Variants in LRGUK observed in about 807,000 individuals in gnomAD.
LRGUK encodes the protein leucine rich repeats and guanylate kinase domain containing, also known as leucine-rich repeat and guanylate kinase domain-containing protein.
A neutral mutation model predicts 76.0 loss-of-function variants in LRGUK; 65 were observed. That is an observed-to-expected ratio of 0.85 (90% confidence interval 0.70 to 1.05). The LOEUF is 1.05. Among genes scored for constraint, LRGUK ranks in the 50% least tolerant of loss-of-function variants. The probability of loss-of-function intolerance (pLI) is 0.00; values close to 1 mark genes in which losing one functional copy is unlikely to be tolerated. For synonymous variants in LRGUK, 268 were observed against 265.6 expected (o/e 1.01, Z -0.09); for missense variants, 758 against 732.8 (o/e 1.03, Z -0.40).
At chr7:134,254,521 C>G (rs1344248950) in intron 18 of LRGUK, among the ~76,000 whole-genome samples, 1 of 151,566 alleles carries the variant, frequency 6.6e-6, no homozygotes, top group Non-Finnish European at 1.5e-5. Context: ...GATGTGTCCT[C>G]TACACAATGG....
chr7:134,210,685 G>T (rs764203726), downstream of LRGUK, among the ~76,000 whole-genome samples: 13 of 152,228 alleles, frequency 8.5e-5, no homozygotes, highest in Non-Finnish European at 1.8e-4. Flanking sequence ...AGAGGAGAGA[G>T]ATTGCTTCGC....
chr7:134,166,015 C>T (rs1020845444), intron 7 of LRGUK, among the ~76,000 whole-genome samples: 5 of 152,088 alleles, frequency 3.3e-5, no homozygotes, highest in African/African-American at 4.8e-5. Context: ...CCTAATTCCC[C>T]GACTCCCCCT....
intron 17 of LRGUK, 116 bp downstream of exon 17, chr7:134,247,760 T>G: frequency 1.5e-6 from 1 of 683,872 alleles, no homozygotes; most frequent in East Asian, 2.9e-5. Context: ...GACCCAGTGT[T>G]TCAGCAGTAA....
chr7:134,214,517 T>G (rs1801381409), downstream of LRGUK, among the ~76,000 whole-genome samples: 1 of 152,152 alleles, frequency 6.6e-6, no homozygotes, highest in Non-Finnish European at 1.5e-5. Context: ...TAGAAATAAG[T>G]TATGGTATAG....
intron 16 of LRGUK, among the ~76,000 whole-genome samples, chr7:134,243,092 A>G (rs1217141374): frequency 6.6e-6 from 1 of 152,210 alleles, no homozygotes; most frequent in Non-Finnish European, 1.5e-5. Flanking sequence ...CCCACAGCCA[A>G]TATCATACTG....
intron 3 of LRGUK, 120 bp from the exon 4 acceptor site, chr7:134,142,942 T>G (rs963649672): frequency 3.4e-6 from 2 of 595,292 alleles, no homozygotes; most frequent in African/African-American, 3.8e-5. Context: ...ATGGAATAAT[T>G]AAGATGTCTT....
At chr7:134,269,691 A>G in the LRGUK span, among the ~76,000 whole-genome samples, 1 of 152,064 alleles carries the variant, frequency 6.6e-6, no homozygotes, top group Non-Finnish European at 1.5e-5. Context: ...GTGGCTCTGG[A>G]TATATTCCAT....
intron 14 of LRGUK, among the ~76,000 whole-genome samples, chr7:134,200,450 C>T (rs906949104): frequency 1.3e-5 from 2 of 151,944 alleles, no homozygotes; most frequent in African/African-American, 4.8e-5. Flanking sequence ...CTGAAAAAGA[C>T]AGGTTTACAA....
chr7:134,250,438 A>G (rs890235307), intron 18 of LRGUK, among the ~76,000 whole-genome samples: 2 of 152,168 alleles, frequency 1.3e-5, no homozygotes, highest in Non-Finnish European at 2.9e-5. Flanking sequence ...GAGCATTTTT[A>G]TAATTTTTGA....
intron 5 of LRGUK, among the ~76,000 whole-genome samples, chr7:134,153,983 T>C (rs1354195108): frequency 6.6e-6 from 1 of 152,234 alleles, no homozygotes; most frequent in Non-Finnish European, 1.5e-5. Context: ...ATGTCAAGCA[T>C]TGTGAACTAC....
At chr7:134,248,919 GTTT>G (rs34245697) in intron 17 of LRGUK, 29 bp from the exon 18 acceptor site, 29 of 1,199,238 alleles carry the variant, frequency 2.4e-5, no homozygotes, top group South Asian at 8.7e-5. Context: ...AAATCCTTTG[GTTT>G]TTTTTTTTTT....
exon 18 of LRGUK, chr7:134,249,065 T>C: frequency 1.3e-6 from 2 of 1,572,398 alleles, no homozygotes; most frequent in Non-Finnish European, 8.6e-7. Flanking sequence ...TTGGACCATA[T>C]CCTGAAAAGA....
At chr7:134,174,602 T>G in exon 8 of LRGUK, 1 of 1,608,564 alleles carries the variant, frequency 6.2e-7, no homozygotes, top group Non-Finnish European at 8.5e-7. Context: ...TTACCCATCC[T>G]TCGAGTTCTC....
At chr7:134,133,758 G>T (rs1797407894) in intron 1 of LRGUK, among the ~76,000 whole-genome samples, 1 of 152,118 alleles carries the variant, frequency 6.6e-6, no homozygotes, top group Non-Finnish European at 1.5e-5. Flanking sequence ...AAGATAGAGA[G>T]AAATTGAAAT....
chr7:134,220,116 A>T (rs1445039882), intron 15 of LRGUK, among the ~76,000 whole-genome samples: 1 of 152,244 alleles, frequency 6.6e-6, no homozygotes, highest in Non-Finnish European at 1.5e-5. Flanking sequence ...ATATGGGTCA[A>T]GTGGCTTTTA....
At chr7:134,212,704 C>G (rs371127228), downstream of LRGUK, among the ~76,000 whole-genome samples, 4 of 152,184 alleles carry the variant, frequency 2.6e-5, no homozygotes, top group Non-Finnish European at 1.5e-5. Context: ...ATTCATCCAA[C>G]AAGCATTTAT....
At chr7:134,145,373 G>A (rs983846702) in intron 4 of LRGUK, among the ~76,000 whole-genome samples, 12 of 151,834 alleles carry the variant, frequency 7.9e-5, no homozygotes, top group African/African-American at 2.4e-5. Context: ...TCAGCCTCCC[G>A]AGTAGCTGGG....
rs781656745 is a variant in LRGUK at position 134,137,079 on chromosome 7, G to A, written c.354G>A (p.Leu118=). 6.2e-6 allele frequency: 10 copies of A among 1,613,474 alleles called. No homozygotes were observed. The South Asian group carries it at 1.1e-4, about 18-fold the overall frequency. ...CTGTGGCCAAAGCACTCCATCACTT[G>A]GGGCGCTCAGGCTCTGGGACTGAGC... Residue 118 remains leucine, a synonymous_variant, in exon 2 of 16, where the codon TTG becomes TTA. Coordinates refer to ENST00000645682, the Ensembl canonical transcript of LRGUK.
chr7:134,269,963 C>A, the LRGUK span, among the ~76,000 whole-genome samples: 1 of 152,264 alleles, frequency 6.6e-6, no homozygotes, highest in South Asian at 2.1e-4. Flanking sequence ...TGAAGAACAG[C>A]TACAAAATAC....
Sources: gnomAD v4.1 joint callset for allele counts (sites outside exome capture counted in the v4.1 genomes callset) on GRCh38, gnomAD v4.1.1 for gene constraint, MANE v1.5 for transcripts, NCBI Gene and HGNC (gene_info 2026-07-23, HGNC 2026-07-21) for gene names.